STAU2: variants seen among roughly 807,000 people sequenced by gnomAD.
STAU2 encodes double-stranded RNA-binding protein Staufen homolog 2.
In STAU2, 20 loss-of-function variants were observed where a neutral mutation model predicts 65.9. The ratio of observed to expected loss-of-function variants is 0.30; its 90% CI spans 0.21 to 0.44. STAU2 has a LOEUF of 0.44. STAU2 is among the 20% of genes least tolerant of loss of function. STAU2 has a pLI of 1.00. For missense variants in STAU2, 558 were observed against 683.9 expected, an observed-to-expected ratio of 0.82 and a Z score of 2.05; for synonymous variants, 232 against 233.9, an observed-to-expected ratio of 0.99 and a Z score of 0.07.
chr8:73,495,498 TTTA>T (rs946143073), intron 13 of STAU2, among the ~76,000 whole-genome samples: 1 of 151,360 alleles, frequency 6.6e-6, no homozygotes, highest in African/African-American at 2.4e-5. Context: ...GACTTAATTC[TTTA>T]TTTAGTGCTT....
At chr8:73,696,055 A>AC (rs1399998935) in intron 4 of STAU2, among the ~76,000 whole-genome samples, 1 of 151,960 alleles carries the variant, frequency 6.6e-6, no homozygotes, top group Non-Finnish European at 1.5e-5. Context: ...GCATCACCAC[A>AC]CCCCCAATTC....
At chr8:73,492,190 T>C (rs919914831) in intron 13 of STAU2, among the ~76,000 whole-genome samples, 4 of 151,952 alleles carry the variant, frequency 2.6e-5, no homozygotes, top group Non-Finnish European at 2.9e-5. Flanking sequence ...CTGACTCAGA[T>C]TGGCATTGTA....
At chr8:73,441,887 G>C (rs947251591) in intron 13 of STAU2, among the ~76,000 whole-genome samples, 6 of 152,126 alleles carry the variant, frequency 3.9e-5, no homozygotes, top group Admixed American at 3.9e-4. Context: ...CACAACTTTG[G>C]AAGAAACTTT....
chr8:73,436,598 T>TTATTTATTTA (rs761766240), intron 13 of STAU2, among the ~76,000 whole-genome samples: 75 of 149,284 alleles, frequency 5.0e-4, no homozygotes, highest in Admixed American at 8.6e-4. Flanking sequence ...ATTTATTTAT[T>TTATTTATTTA]TATTTTGAGA....
intron 3 of STAU2, chr8:73,733,046 T>A (rs1563536620): frequency 6.6e-6 from 1 of 152,028 alleles, no homozygotes; most frequent in Non-Finnish European, 1.5e-5. Flanking sequence ...AACTTTTTTT[T>A]TTTTTTTAAT....
intron 13 of STAU2, among the ~76,000 whole-genome samples, chr8:73,532,093 C>G (rs1432120210): frequency 6.6e-6 from 1 of 151,992 alleles, no homozygotes. Context: ...GTTGGATATG[C>G]GCAGTCATTT....
At chr8:73,642,356 C>T (rs1024816160) in intron 6 of STAU2, among the ~76,000 whole-genome samples, 1 of 152,102 alleles carries the variant, frequency 6.6e-6, no homozygotes, top group African/African-American at 2.4e-5. Context: ...AACCCCATCT[C>T]TACTAAAAAT....
intron 9 of STAU2, among the ~76,000 whole-genome samples, chr8:73,608,137 C>T (rs891285462): frequency 6.6e-6 from 1 of 152,146 alleles, no homozygotes; most frequent in African/African-American, 2.4e-5. Flanking sequence ...TAAGCAGAGG[C>T]ATGATATGAT....
intron 6 of STAU2, among the ~76,000 whole-genome samples, chr8:73,626,762 G>A (rs373859235): frequency 6.6e-6 from 1 of 152,162 alleles, no homozygotes; most frequent in Non-Finnish European, 1.5e-5. Context: ...GCCAAGCATC[G>A]CTGCTCATTC....
At chr8:73,454,849 G>A (rs903803827) in intron 13 of STAU2, among the ~76,000 whole-genome samples, 1 of 152,202 alleles carries the variant, frequency 6.6e-6, no homozygotes, top group Non-Finnish European at 1.5e-5. Context: ...TAAAGCCACA[G>A]TAGGACTGTG....
intron 14 of STAU2, among the ~76,000 whole-genome samples, chr8:73,421,878 T>C (rs1816403258): frequency 6.6e-6 from 1 of 152,186 alleles, no homozygotes; most frequent in Admixed American, 6.5e-5. Flanking sequence ...ATCTCCTGCA[T>C]GTGTTCTGAG....
intron 6 of STAU2, among the ~76,000 whole-genome samples, chr8:73,631,493 A>G (rs1814087541): frequency 6.6e-6 from 1 of 152,208 alleles, no homozygotes; most frequent in Non-Finnish European, 1.5e-5. Context: ...GAAATCAACT[A>G]AATAAGCCTC....
At position 73,575,100 on chromosome 8, in the gene STAU2, GCA is replaced by G. The variant is rs148214058; in HGVS notation, c.1222+7668_1222+7669del. Among the ~76,000 whole-genome samples, 253 of 142,708 alleles carry G rather than the reference GCA, an allele frequency of 1.8e-3. 3 individuals carry two copies. In the East Asian group the frequency reaches 0.04, roughly 22 times the overall value. The allele number at this position is 142,708 out of a possible 152,430, so 93.6% of individuals were successfully genotyped here. Reference sequence around the variant, plus strand: ...AGAGAAGAATTTTCATGTCATAAAGGCACACAGATGCACACAGTCCTACCAAG... The same window carrying G: ...AGAGAAGAATTTTCATGTCATAAAGGCACAGATGCACACAGTCCTACCAAG... On this transcript the variant is annotated intron_variant, in intron 12 of 14. Transcript: ENST00000524300.
Position 73,475,373 on chromosome 8 carries a change from C to T in STAU2, c.1531-52671G>A, listed in dbSNP as rs554116955. On this transcript the variant is annotated intron_variant, in intron 13 of 14. Transcript: ENST00000524300. ...CCATCTGTTCTCAAACCCCCTGTTC[C>T]CACAGATCAGGATGCAGCTGAGGCA... Among the ~76,000 whole-genome samples the T allele has an allele frequency of 1.8e-4, 27 of 152,230 alleles. 1 individual carries two copies. Among genetic ancestry groups the T allele is most frequent in the Admixed American group, 1.4e-3 (21 of 15,292 alleles).
chr8:73,640,916 G>C (rs1443556375), intron 6 of STAU2, among the ~76,000 whole-genome samples: 1 of 151,918 alleles, frequency 6.6e-6, no homozygotes, highest in Non-Finnish European at 1.5e-5. Flanking sequence ...AGCTAAGAAA[G>C]CTAAAATGAA....
At chr8:73,690,700 A>C (rs946554231) in intron 4 of STAU2, among the ~76,000 whole-genome samples, 1 of 152,158 alleles carries the variant, frequency 6.6e-6, no homozygotes, top group African/African-American at 2.4e-5. Flanking sequence ...CGATCGGTGA[A>C]TCTAAACCAT....
At chr8:73,557,603 T>C (rs1248962663) in intron 12 of STAU2, among the ~76,000 whole-genome samples, 4 of 152,214 alleles carry the variant, frequency 2.6e-5, no homozygotes, top group African/African-American at 9.6e-5. Flanking sequence ...ACGTTTCAGT[T>C]ACTCTAAATA....
chr8:73,746,808 C>A lies in STAU2; in HGVS notation c.-222G>T, dbSNP rs1458099578. 8.1e-7 allele frequency: 1 copy of A among 1,232,014 alleles called. No homozygotes were observed. Among genetic ancestry groups the A allele is most frequent in the South Asian group, 4.1e-5 (1 of 24,396 alleles). The allele number at this position is 1,232,014 out of a possible 1,614,324, so 76.3% of individuals were successfully genotyped here. A position where few individuals can be genotyped will look rare whatever the true frequency, so the allele number is the denominator to read the frequency against. On this transcript the variant is annotated 5_prime_UTR_variant, in exon 1 of 15. Transcript: ENST00000524300. Reference sequence around the variant, plus strand: ...CTTCTTGCCGGGGACACTTTGCAGACGGCTCCAACATTGGCAAACACTACA... The same window carrying A: ...CTTCTTGCCGGGGACACTTTGCAGAAGGCTCCAACATTGGCAAACACTACA...
chr8:73,743,528 A>C (rs1807037089), intron 1 of STAU2, among the ~76,000 whole-genome samples: 1 of 143,920 alleles, frequency 6.9e-6, no homozygotes, highest in Non-Finnish European at 1.5e-5. Context: ...GCTGGAGTGC[A>C]ATGGGCACCA....
Sources: allele counts gnomAD v4.1 joint callset (sites outside exome capture counted in the v4.1 genomes callset), GRCh38; gene constraint gnomAD v4.1.1; transcripts MANE v1.5; gene names NCBI Gene and HGNC (gene_info 2026-07-23, HGNC 2026-07-21).